The following PFKFB3 variants were observed in gnomAD, a reference collection of about 807,000 sequenced individuals.
The protein encoded by PFKFB3 is 6-phosphofructo-2-kinase/fructose-2,6-bisphosphatase 3.
A neutral mutation model predicts 68.0 loss-of-function variants in PFKFB3; 33 were observed. That is an observed-to-expected ratio of 0.49 (90% CI 0.37 to 0.65). The LOEUF (loss-of-function observed/expected upper bound fraction) is 0.65, where lower values mean the gene tolerates loss of function less well. PFKFB3 is among the 30% of genes least tolerant of loss of function. The pLI is 0.00. For synonymous variants in PFKFB3, 315 were observed against 288.2 expected (o/e 1.09, Z -0.94); for missense variants, 586 against 712.2 (o/e 0.82, Z 2.02).
chr10:6,159,911 A>T (rs1329661528), intron 1 of PFKFB3, among the ~76,000 whole-genome samples: 3 of 148,856 alleles, frequency 2.0e-5, no homozygotes, highest in African/African-American at 7.4e-5. Flanking sequence ...GGTGTGTGCC[A>T]CCATGCCTGG....
At chr10:6,146,135 GGT>G (rs1165337100) in intron 1 of PFKFB3, 3 of 697,644 alleles carry the variant, frequency 4.3e-6, no homozygotes, top group Non-Finnish European at 5.3e-6. Context: ...GAGGACTGGG[GGT>G]GTGTGTGGGG....
intron 1 of PFKFB3, among the ~76,000 whole-genome samples, chr10:6,179,611 C>T (rs1432228006): frequency 1.3e-5 from 2 of 152,044 alleles, no homozygotes; most frequent in Non-Finnish European, 1.5e-5. Context: ...GTGTGGAGGC[C>T]CAGGAGGACT....
the PFKFB3 span, among the ~76,000 whole-genome samples, chr10:6,284,161 T>C: frequency 1.3e-5 from 2 of 152,340 alleles, no homozygotes; most frequent in East Asian, 3.9e-4. Flanking sequence ...TATTTTGCTG[T>C]TGTTGAAAGG....
the PFKFB3 span, among the ~76,000 whole-genome samples, chr10:6,309,364 T>C: frequency 1.3e-5 from 2 of 152,150 alleles, no homozygotes. Flanking sequence ...TCCCAGCTAC[T>C]TGGGAGACTG....
intron 3 of PFKFB3, 36 bp from the exon 4 acceptor site, chr10:6,216,088 CG>C: frequency 6.3e-7 from 1 of 1,597,256 alleles, no homozygotes; most frequent in Non-Finnish European, 8.6e-7. Flanking sequence ...GCGGATGCAC[CG>C]GCGCTGACAT....
rs555312225 is a variant in PFKFB3 at position 6,150,417 on chromosome 10, C to A, written c.16+5404C>A. Among the ~76,000 whole-genome samples the A allele has an allele frequency of 4.6e-5, 7 of 152,188 alleles. No homozygotes were observed. In the South Asian group the frequency reaches 1.5e-3, roughly 32 times the overall value. The stretch of plus-strand genomic sequence containing the variant: ...GGTCAGAGGATTACTTCAGACCAGG[C>A]GTTCGAGACCAGCCTGACCAACATG... On this transcript the variant is annotated intron_variant, in intron 1 of 14. Coordinates refer to the PFKFB3 transcript ENST00000379789.
chr10:6,217,314 C>A, intron 6 of PFKFB3, 123 bp downstream of exon 6: 1 of 882,628 alleles, frequency 1.1e-6, no homozygotes, highest in South Asian at 1.4e-5. Context: ...ATGAGCAGCC[C>A]CCAGCTGGCT....
chr10:6,225,050 G>A (rs76075200), intron 13 of PFKFB3: 4 of 451,096 alleles, frequency 8.9e-6, no homozygotes, highest in Admixed American at 2.4e-5. Flanking sequence ...GTCTACCTTG[G>A]GGGGAGGCCT....
At chr10:6,266,889 A>G in the PFKFB3 span, among the ~76,000 whole-genome samples, 10 of 152,234 alleles carry the variant, frequency 6.6e-5, no homozygotes, top group Non-Finnish European at 1.0e-4. Flanking sequence ...CCTTGCCTCC[A>G]TTATGCTCAC....
At chr10:6,232,600 C>T (rs1327799059) in intron 14 of PFKFB3, among the ~76,000 whole-genome samples, 2 of 152,138 alleles carry the variant, frequency 1.3e-5, no homozygotes, top group African/African-American at 2.4e-5. Flanking sequence ...TTACTGGTGC[C>T]CAGCGCCGCG....
the PFKFB3 span, among the ~76,000 whole-genome samples, chr10:6,284,825 G>C: frequency 6.6e-6 from 1 of 152,078 alleles, no homozygotes; most frequent in Admixed American, 6.6e-5. Flanking sequence ...CATGTAAGTA[G>C]AATCATGCAA....
upstream of PFKFB3, among the ~76,000 whole-genome samples, chr10:6,201,737 A>C (rs1303537756): frequency 1.3e-5 from 2 of 152,006 alleles, no homozygotes; most frequent in East Asian, 1.9e-4. This position sits in a 1 kb window ranked among gnomAD's most constrained non-coding sequence, Gnocchi z 4.1. Flanking sequence ...GCCCAGCCTC[A>C]GCGCTAAGTG....
At chr10:6,318,541 C>T in the PFKFB3 span, among the ~76,000 whole-genome samples, 3 of 152,218 alleles carry the variant, frequency 2.0e-5, no homozygotes, top group Non-Finnish European at 4.4e-5. Context: ...CCGAGGCTGG[C>T]CCCACCTCTG....
In PFKFB3 at chr10:6,228,145, A is replaced by C; in HGVS notation, c.1515+1780A>C. The C allele has an allele frequency of 1.2e-6, 2 of 1,610,120 alleles. No individual in the cohort carries two copies. Among genetic ancestry groups the C allele is most frequent in the South Asian group, 1.1e-5 (1 of 91,032 alleles). ...GGGTTTTTCAGGGCTTCGTCCCTGC[A>C]GATTGCGCCCTGCCTCCTGACTGAC... On this transcript the variant is annotated intron_variant, in intron 14 of 14. Coordinates refer to ENST00000379775, the MANE Select transcript of PFKFB3 (RefSeq NM_004566.4). The surrounding 1 kb of genome is among the most constrained non-coding windows in gnomAD (Gnocchi z 4.5).
chr10:6,205,778 T>A (rs1047550736), intron 1 of PFKFB3, among the ~76,000 whole-genome samples: 8 of 121,614 alleles, frequency 6.6e-5, no homozygotes, highest in Admixed American at 3.6e-4. Flanking sequence ...CCCTGAGGTT[T>A]ATTATTTATT....
chr10:6,227,298 G>A (rs953680555), intron 14 of PFKFB3, among the ~76,000 whole-genome samples: 2 of 152,090 alleles, frequency 1.3e-5, no homozygotes, highest in African/African-American at 4.8e-5. Context: ...ACCACCCAAG[G>A]GTCTGCCCTA....
At chr10:6,146,505 C>T (rs1357374394) in intron 1 of PFKFB3, 4 of 1,534,288 alleles carry the variant, frequency 2.6e-6, no homozygotes, top group Admixed American at 3.9e-5. Context: ...AGGTATGATT[C>T]GGCCACCTTG....
intron 1 of PFKFB3, among the ~76,000 whole-genome samples, chr10:6,163,380 G>A (rs529567671): frequency 9.8e-5 from 15 of 152,288 alleles, no homozygotes; most frequent in African/African-American, 3.4e-4. Context: ...GAACTTTTAA[G>A]GTAACCCCCC....
At chr10:6,202,780 G>T (rs1843416362), upstream of PFKFB3, 7 of 688,780 alleles carry the variant, frequency 1.0e-5, no homozygotes, top group Non-Finnish European at 1.3e-5. Flanking sequence ...CCGGCCCGCA[G>T]GGGGAGCTCG....
Sources: allele counts gnomAD v4.1 joint callset (sites outside exome capture counted in the v4.1 genomes callset), GRCh38; gene constraint gnomAD v4.1.1; non-coding constraint Gnocchi (gnomAD v3.1); transcripts MANE v1.5; gene names NCBI Gene and HGNC (gene_info 2026-07-23, HGNC 2026-07-21).